ICE1: variants seen among roughly 807,000 people sequenced by gnomAD.
The protein encoded by ICE1 is interactor of little elongation complex ELL subunit 1.
Under a neutral mutation model 192.7 loss-of-function variants are expected in ICE1, and 64 were observed. That is an observed-to-expected ratio of 0.33 (90% CI 0.27 to 0.41). ICE1 has a LOEUF of 0.41. ICE1 is among the 10% of genes least tolerant of loss of function. The probability of loss-of-function intolerance (pLI) is 1.00; values close to 1 mark genes in which losing one functional copy is unlikely to be tolerated. For missense variants in ICE1, 2,708 were observed against 2,696.0 expected (o/e 1.00, Z -0.10); for synonymous variants, 1,010 against 984.5 (o/e 1.03, Z -0.49).
rs895762312 is a variant in ICE1, at chr5:5,462,501, C to G, written c.3167C>G (p.Pro1056Arg). The change falls in exon 13 of 19, where the codon CCC becomes CGC. Residue 1056 changes from proline to arginine, a missense_variant. Pro to Arg is a moderately radical substitution (Grantham distance 103, BLOSUM62 -2). This residue lies in a region of ICE1 where 2,366 missense variants were observed against 2,276.6 expected (regional missense o/e 1.04). Transcript: ENST00000296564. ...NGLWKLKSTT[P>R]GGALPECFGT... Reference sequence around the variant, plus strand: ...CTTTGGAAATTGAAATCTACAACTCCCGGTGGTGCTTTGCCTGAGTGTTTT... The same window carrying G: ...CTTTGGAAATTGAAATCTACAACTCGCGGTGGTGCTTTGCCTGAGTGTTTT... 7 of 1,613,836 alleles carry G rather than the reference C, an allele frequency of 4.3e-6. No homozygotes were observed. Among genetic ancestry groups the G allele is most frequent in the Middle Eastern group, 1.6e-4 (1 of 6,084 alleles).
rs757231192 is a variant in ICE1 at position 5,462,411 on chromosome 5, G to C, written c.3077G>C (p.Arg1026Thr). Residue 1026 changes from arginine to threonine, a missense_variant, in exon 13 of 19, where the codon AGA (arginine) becomes ACA (threonine). This residue lies in a region of ICE1 where 2,366 missense variants were observed against 2,276.6 expected (regional missense o/e 1.04). Transcript: ENST00000296564. ...GAAACCAGCTGTGGAGACACAGGGA[G>C]ATCTGGTGGTGAGGCCCTGGCTGTT... ...VEETSCGDTG[R>T]SGGEALAVAN... 2.5e-5 allele frequency: 40 copies of C among 1,614,028 alleles called. No individual in the cohort carries two copies. The highest frequency in any genetic ancestry group is 3.4e-5 in the Non-Finnish European group (40 of 1,179,896).
At position 5,464,830 on chromosome 5, in the gene ICE1, C is replaced by T. The variant is rs1330394085; in HGVS notation, c.5496C>T (p.Ser1832=). The T allele has an allele frequency of 6.8e-6, 11 of 1,613,052 alleles. No individual in the cohort carries two copies. In the East Asian group the frequency reaches 1.3e-4, roughly 20 times the overall value. The change falls in exon 13 of 19, where the codon AGC becomes AGT. Residue 1832 remains serine (S), a synonymous_variant. Transcript: ENST00000296564. This position sits in a 1 kb window ranked among gnomAD's most constrained non-coding sequence, Gnocchi z 4.0. ...SRDLGTQQDS[S]GKRTLSTSTL... is the part of the protein sequence containing the mutation. ...ATTTGGGGACTCAGCAGGATTCAAG[C>T]GGGAAAAGAACACTGTCAACGTCTA... is the stretch of plus-strand genomic sequence containing the variant.
At chr5:5,451,119 A>G (rs74493684) in intron 10 of ICE1, among the ~76,000 whole-genome samples, 6,775 of 152,210 alleles carry the variant, frequency 0.045, 567 homozygotes, top group East Asian at 0.32. Context: ...CAAAAACAAA[A>G]CCTGCAAAAC....
At chr5:5,478,251 C>G (rs918425252) in intron 17 of ICE1, among the ~76,000 whole-genome samples, 4 of 152,234 alleles carry the variant, frequency 2.6e-5, no homozygotes, top group African/African-American at 9.6e-5. Context: ...TGATAAGCAG[C>G]TTCAGCAAAG....
chr5:5,450,561 A>G (rs917486773), intron 10 of ICE1, among the ~76,000 whole-genome samples: 8 of 152,182 alleles, frequency 5.3e-5, no homozygotes, highest in African/African-American at 1.7e-4. Context: ...TGGAATATTC[A>G]TATTCATAGG....
At chr5:5,435,678 G>GTTTGT (rs1737852257) in intron 1 of ICE1, among the ~76,000 whole-genome samples, 2 of 116,738 alleles carry the variant, frequency 1.7e-5, no homozygotes, top group African/African-American at 6.3e-5. Flanking sequence ...TTTTTGTTTT[G>GTTTGT]TTTTTGTTTT....
At chr5:5,454,477 T>A in intron 10 of ICE1, 75 bp from the exon 11 acceptor site, 1 of 974,888 alleles carries the variant, frequency 1.0e-6, no homozygotes, top group Non-Finnish European at 1.6e-6. Context: ...AAACCCTGAT[T>A]TCACAGAAGT....
At chr5:5,480,249 CTT>C (rs574170460) in intron 17 of ICE1, among the ~76,000 whole-genome samples, 11 of 129,868 alleles carry the variant, frequency 8.5e-5, no homozygotes, top group Non-Finnish European at 6.5e-5. Flanking sequence ...TTTTCTTTTT[CTT>C]TTTTTTTTTT....
intron 11 of ICE1, among the ~76,000 whole-genome samples, chr5:5,456,565 G>C (rs939492269): frequency 1.3e-5 from 2 of 151,888 alleles, no homozygotes; most frequent in African/African-American, 4.8e-5. Flanking sequence ...ATTGGCTCTG[G>C]GTCCTTCATA....
intron 16 of ICE1, among the ~76,000 whole-genome samples, chr5:5,474,416 G>C (rs901797835): frequency 2.0e-5 from 3 of 152,090 alleles, no homozygotes; most frequent in Admixed American, 6.6e-5. Flanking sequence ...CACAAGGGGA[G>C]CACCTGGCGA....
At chr5:5,448,277 A>G (rs74855920) in intron 10 of ICE1, among the ~76,000 whole-genome samples, 7,729 of 152,276 alleles carry the variant, frequency 0.051, 597 homozygotes, top group East Asian at 0.32. Context: ...AAACTATAGA[A>G]TTAAAGCCTT....
chr5:5,445,294 T>C (rs980588466), intron 7 of ICE1, among the ~76,000 whole-genome samples: 11 of 152,248 alleles, frequency 7.2e-5, no homozygotes, highest in African/African-American at 2.7e-4. Flanking sequence ...GTTTGATTAT[T>C]GCATGAATAC....
At chr5:5,431,114 T>TAGA (rs1287399896) in intron 1 of ICE1, among the ~76,000 whole-genome samples, 1 of 152,192 alleles carries the variant, frequency 6.6e-6, no homozygotes, top group Non-Finnish European at 1.5e-5. Flanking sequence ...TCTGACTCTG[T>TAGA]GACTCTGGAG....
chr5:5,451,517 G>C (rs776083116), intron 10 of ICE1, among the ~76,000 whole-genome samples: 6 of 152,068 alleles, frequency 3.9e-5, no homozygotes, highest in Non-Finnish European at 5.9e-5. Flanking sequence ...ACAGCACCAG[G>C]ATTGAGAAAC....
intron 17 of ICE1, among the ~76,000 whole-genome samples, chr5:5,484,713 A>G (rs1739591724): frequency 6.6e-6 from 1 of 152,198 alleles, no homozygotes; most frequent in South Asian, 2.1e-4. Context: ...GTTCCTGTAG[A>G]GGATACAAAG....
At chr5:5,434,989 T>C (rs1737827360) in intron 1 of ICE1, among the ~76,000 whole-genome samples, 1 of 152,234 alleles carries the variant, frequency 6.6e-6, no homozygotes, top group Non-Finnish European at 1.5e-5. Flanking sequence ...TGTAAACCTC[T>C]GAAATGCATA....
chr5:5,443,113 C>A, intron 5 of ICE1, 55 bp from the exon 6 acceptor site: 2 of 1,012,376 alleles, frequency 2.0e-6, no homozygotes, highest in Non-Finnish European at 2.9e-6. Context: ...CAAGTTATGA[C>A]CAATGGTCAG....
Position 5,436,815 on chromosome 5 carries a change from A to G in ICE1, c.144-265A>G, listed in dbSNP as rs999683012. On this transcript the variant is annotated intron_variant, in intron 2 of 18. Transcript: ENST00000296564. ...TTATAGCCATGGTGTGAGATTTCCTATTTTTTTTGTTTTCAGCTTTGTAAT... is the reference window on the plus strand; with the variant it reads ...TTATAGCCATGGTGTGAGATTTCCTGTTTTTTTTGTTTTCAGCTTTGTAAT... 1.1e-4 allele frequency among the ~76,000 whole-genome samples: 16 copies of G among 151,890 alleles called. No homozygotes were observed. The East Asian group carries it at 1.4e-3, about 13-fold the overall frequency.
At chr5:5,426,370 G>T (rs1431971733) in intron 1 of ICE1, among the ~76,000 whole-genome samples, 1 of 151,900 alleles carries the variant, frequency 6.6e-6, no homozygotes, top group Non-Finnish European at 1.5e-5. Context: ...GCTTGAACCT[G>T]GGAGGCCGAG....
Sources: gnomAD v4.1 joint callset for allele counts (sites outside exome capture counted in the v4.1 genomes callset) on GRCh38, gnomAD v4.1.1 for gene constraint, gnomAD v4.1.1 regional missense constraint, Gnocchi (gnomAD v3.1) non-coding constraint, MANE v1.5 for transcripts, NCBI Gene and HGNC (gene_info 2026-07-23, HGNC 2026-07-21) for gene names.